Variants in THSD7B observed in about 807,000 individuals in gnomAD.
THSD7B encodes the protein thrombospondin type-1 domain-containing protein 7B.
In THSD7B, 138 loss-of-function variants were observed where a neutral mutation model predicts 213.6. That is an observed-to-expected ratio of 0.65 (90% CI 0.56 to 0.74). The LOEUF is 0.74. THSD7B is among the 30% of genes least tolerant of loss of function. THSD7B has a pLI of 0.00. For missense variants in THSD7B, 1,931 were observed against 1,991.5 expected, an observed-to-expected ratio of 0.97 and a Z score of 0.58; for synonymous variants, 742 against 687.0, an observed-to-expected ratio of 1.08 and a Z score of -1.25.
chr2:137,671,756 GA>G (rs1683583736), intron 27 of THSD7B, among the ~76,000 whole-genome samples: 1 of 152,150 alleles, frequency 6.6e-6, no homozygotes, highest in Admixed American at 6.5e-5. Flanking sequence ...TTTAGGTGGA[GA>G]AACAAAGCCT....
chr2:136,768,190 T>C (rs1681442146), intron 1 of THSD7B, among the ~76,000 whole-genome samples: 2 of 152,188 alleles, frequency 1.3e-5, no homozygotes, highest in Admixed American at 1.3e-4. Context: ...GTCTGCTTGC[T>C]ACAGATCCTA....
chr2:137,554,729 G>A lies in THSD7B; in HGVS notation c.3139-8492G>A, dbSNP rs147607031. Among the ~76,000 whole-genome samples, 401 of 152,264 alleles carry A rather than the reference G, an allele frequency of 2.6e-3. 4 individuals are homozygous for A. The highest frequency in any genetic ancestry group is 7.9e-3 in the African/African-American group (329 of 41,554). The stretch of plus-strand genomic sequence containing the variant: ...GTACAGTGGATGCAGTGCACCGAGC[G>A]TGAGCCAAAGCAGGGCAAGGCATCA... On this transcript the variant is annotated intron_variant, in intron 15 of 27. Transcript: ENST00000409968.
rs1687564241 is a variant in THSD7B at position 137,074,122 on chromosome 2, T to A, written c.950+16892T>A. ...AGGTCCGCTTGGTACAGAGCTGAGT[T>A]CAATTCCTGGATATCCTTGTTAACT... On this transcript the variant is annotated intron_variant, in intron 3 of 27. Transcript: ENST00000409968. Among the ~76,000 whole-genome samples the A allele has an allele frequency of 1.3e-5, 2 of 150,648 alleles. 1 individual carries two copies. Among genetic ancestry groups the A allele is most frequent in the African/African-American group, 5.0e-5 (2 of 40,300 alleles).
chr2:137,204,186 A>G (rs549224829), intron 7 of THSD7B, among the ~76,000 whole-genome samples: 35 of 152,226 alleles, frequency 2.3e-4, no homozygotes, highest in African/African-American at 8.2e-4. Context: ...AAAATTCCCA[A>G]TATGTTAGTT....
intron 15 of THSD7B, among the ~76,000 whole-genome samples, chr2:137,503,963 GT>G (rs893395355): frequency 1.3e-5 from 2 of 151,108 alleles, no homozygotes; most frequent in African/African-American, 4.9e-5. Flanking sequence ...GGAGACAGAG[GT>G]TGCAGTGAGC....
In THSD7B at chr2:137,667,804, T is replaced by C. The variant is rs1009071368; in HGVS notation, c.4682T>C (p.Val1561Ala). The C allele has an allele frequency of 6.2e-7, 1 of 1,606,910 alleles. No homozygotes were observed. The highest frequency in any genetic ancestry group is 1.3e-5 in the African/African-American group (1 of 74,984). The change falls in exon 27 of 28, where the codon GTT becomes GCT. Residue 1561 changes from valine to alanine, a missense_variant. Val to Ala is a moderately conservative substitution (Grantham distance 64, BLOSUM62 0). Transcript: ENST00000409968. ...DGRVKIWVYG[V>A]SGGAFLIMIF... The stretch of plus-strand genomic sequence containing the variant: ...CGAGTAAAAATTTGGGTTTATGGCG[T>C]TTCAGGTGGCGCTTTTCTCATCATG...
intron 1 of THSD7B, among the ~76,000 whole-genome samples, chr2:136,807,508 C>CTTTTTTTTTTTTTTTTTTTTTT (rs1314267493): frequency 2.0e-5 from 1 of 49,588 alleles, no homozygotes; most frequent in African/African-American, 8.4e-5. Context: ...CAAAATGTTT[C>CTTTTTTTTTTTTTTTTTTTTTT]GTTTTTTTTT....
chr2:137,130,840 C>T (rs1315261775), intron 5 of THSD7B, among the ~76,000 whole-genome samples: 11 of 133,258 alleles, frequency 8.3e-5, no homozygotes, highest in South Asian at 2.5e-4. Context: ...AATAAACATA[C>T]GTGTGCATGT....
At chr2:136,986,988 TAGAG>T (rs770202273) in intron 2 of THSD7B, among the ~76,000 whole-genome samples, 4 of 152,212 alleles carry the variant, frequency 2.6e-5, no homozygotes, top group Non-Finnish European at 4.4e-5. Context: ...AAAGTGTTGA[TAGAG>T]AGTTATTTAG....
intron 7 of THSD7B, among the ~76,000 whole-genome samples, chr2:137,199,810 A>G (rs1300076724): frequency 1.3e-5 from 2 of 152,206 alleles, no homozygotes; most frequent in Non-Finnish European, 2.9e-5. Context: ...TTTGCATTAT[A>G]CTTTTGAACT....
chr2:137,029,089 T>TTG (rs1206100774), intron 2 of THSD7B, among the ~76,000 whole-genome samples: 1 of 150,058 alleles, frequency 6.7e-6, no homozygotes, highest in Non-Finnish European at 1.5e-5. Context: ...TTTTTTTTTT[T>TTG]TTTTTTTGAG....
At chr2:137,079,273 T>C (rs1018659099) in intron 3 of THSD7B, among the ~76,000 whole-genome samples, 1 of 152,206 alleles carries the variant, frequency 6.6e-6, no homozygotes, top group East Asian at 1.9e-4. Context: ...TTAGTTTTTT[T>C]ATAATCTTTA....
At chr2:137,273,866 A>G (rs2104808684) in intron 11 of THSD7B, among the ~76,000 whole-genome samples, 1 of 152,210 alleles carries the variant, frequency 6.6e-6, no homozygotes, top group African/African-American at 2.4e-5. Flanking sequence ...CCAGCAAAAG[A>G]GCTCTCAAGG....
intron 10 of THSD7B, among the ~76,000 whole-genome samples, chr2:137,263,599 T>C (rs1682502687): frequency 6.6e-6 from 1 of 152,136 alleles, no homozygotes; most frequent in Non-Finnish European, 1.5e-5. Context: ...ATGAAAGAAG[T>C]ATATGGATAT....
At chr2:137,464,575 G>A (rs954531482) in intron 15 of THSD7B, among the ~76,000 whole-genome samples, 49 of 152,066 alleles carry the variant, frequency 3.2e-4, no homozygotes, top group Admixed American at 3.0e-3. Context: ...CCTGGTGGAG[G>A]GAATGTTAAG....
intron 20 of THSD7B, among the ~76,000 whole-genome samples, chr2:137,641,734 G>A (rs530862065): frequency 1.3e-5 from 2 of 152,180 alleles, no homozygotes; most frequent in East Asian, 3.9e-4. Context: ...TTTTCTGAGC[G>A]ATTTTTACTA....
intron 24 of THSD7B, among the ~76,000 whole-genome samples, chr2:137,658,182 TTTTAA>T (rs1201301457): frequency 6.6e-6 from 1 of 152,226 alleles, no homozygotes; most frequent in Non-Finnish European, 1.5e-5. Flanking sequence ...TTGGTATTCT[TTTTAA>T]TTTAAAGTTT....
At chr2:136,933,157 T>TTCCTTCCTTCCTTCCTTCCC (rs1375232370) in intron 2 of THSD7B, among the ~76,000 whole-genome samples, 2 of 111,404 alleles carry the variant, frequency 1.8e-5, no homozygotes, top group African/African-American at 5.5e-5. Flanking sequence ...CCTTCCTTCC[T>TTCCTTCCTTCCTTCCTTCCC]TCCTTCCTTC....
At chr2:137,270,001 A>G (rs1398120624) in intron 10 of THSD7B, among the ~76,000 whole-genome samples, 2 of 152,212 alleles carry the variant, frequency 1.3e-5, no homozygotes, top group Non-Finnish European at 2.9e-5. Context: ...GTAGACTAAC[A>G]GGGTATGATG....
Sources: gnomAD v4.1 joint callset for allele counts (sites outside exome capture counted in the v4.1 genomes callset) on GRCh38, gnomAD v4.1.1 for gene constraint, MANE v1.5 for transcripts, NCBI Gene and HGNC (gene_info 2026-07-23, HGNC 2026-07-21) for gene names.